COMMD10: variants seen among roughly 807,000 people sequenced by gnomAD.
COMMD10 encodes COMM domain containing 10.
Under a neutral mutation model 28.9 loss-of-function variants are expected in COMMD10, and 33 were observed. The ratio of observed to expected loss-of-function variants is 1.14; its 90% CI spans 0.87 to 1.53. The LOEUF (loss-of-function observed/expected upper bound fraction) is 1.53, where lower values mean the gene tolerates loss of function less well. Ranked by LOEUF, COMMD10 falls within the 40% of genes most tolerant of loss-of-function variation. The probability of loss-of-function intolerance (pLI) is 0.00; values close to 1 mark genes in which losing one functional copy is unlikely to be tolerated. For missense variants in COMMD10, 310 were observed against 233.4 expected (o/e 1.33, Z -2.14); for synonymous variants, 110 against 81.7 (o/e 1.35, Z -1.87).
chr5:116,118,596 A>C (rs1024192287), intron 4 of COMMD10, among the ~76,000 whole-genome samples: 1 of 152,114 alleles, frequency 6.6e-6, no homozygotes, highest in Admixed American at 6.6e-5. Context: ...TTGTGTTTTC[A>C]TTTTTGGTTG....
chr5:116,183,476 G>A (rs939418555), intron 5 of COMMD10, among the ~76,000 whole-genome samples: 8 of 151,886 alleles, frequency 5.3e-5, no homozygotes, highest in Admixed American at 3.3e-4. Context: ...GGTATCCAAG[G>A]GACTGTTAGG....
At chr5:116,199,716 C>T (rs1748613973) in intron 5 of COMMD10, among the ~76,000 whole-genome samples, 1 of 152,082 alleles carries the variant, frequency 6.6e-6, no homozygotes, top group Non-Finnish European at 1.5e-5. Context: ...GTCCACTAGC[C>T]TAAAATTTTC....
At chr5:116,213,196 CCTT>C (rs539662402) in intron 5 of COMMD10, among the ~76,000 whole-genome samples, 259 of 152,026 alleles carry the variant, frequency 1.7e-3, no homozygotes, top group African/African-American at 5.9e-3. Context: ...AGTTCAGAGA[CCTT>C]CTGAATATAT....
At chr5:116,091,719 C>T (rs1396497) in intron 3 of COMMD10, among the ~76,000 whole-genome samples, 111,917 of 152,082 alleles carry the variant, frequency 0.74, 41,630 homozygotes, top group Non-Finnish European at 0.8. Flanking sequence ...AGTTCATATG[C>T]GTTAGTTATA....
In COMMD10 at chr5:116,091,926, C is replaced by G. The variant is rs566107810; in HGVS notation, c.244-619C>G. On this transcript the variant is annotated intron_variant, in intron 3 of 6. Transcript: ENST00000274458. ...ATGAACATATTAGGAGGACAAGCTA[C>G]CAGTTATCTACTACAGCCTTACATA... Among the ~76,000 whole-genome samples the G allele has an allele frequency of 1.2e-3, 186 of 152,258 alleles. 1 individual carries two copies. Among genetic ancestry groups the G allele is most frequent in the Non-Finnish European group, 2.2e-3 (148 of 68,018 alleles).
intron 5 of COMMD10, among the ~76,000 whole-genome samples, chr5:116,135,532 C>T (rs1277356325): frequency 6.6e-6 from 1 of 152,054 alleles, no homozygotes; most frequent in Non-Finnish European, 1.5e-5. Context: ...GGTGGTTTCC[C>T]TTTATGTGCA....
At chr5:116,151,248 G>C (rs948953618) in intron 5 of COMMD10, among the ~76,000 whole-genome samples, 1 of 151,776 alleles carries the variant, frequency 6.6e-6, no homozygotes, top group African/African-American at 2.4e-5. Context: ...ATGTGCTGCT[G>C]GATTTGGTTT....
chr5:116,246,265 T>G (rs1273968981), intron 5 of COMMD10, among the ~76,000 whole-genome samples: 1 of 151,936 alleles, frequency 6.6e-6, no homozygotes. Flanking sequence ...TACCTAAGAA[T>G]ACAGCTAACT....
At chr5:116,106,460 G>A (rs899535507) in intron 4 of COMMD10, among the ~76,000 whole-genome samples, 1 of 152,196 alleles carries the variant, frequency 6.6e-6, no homozygotes, top group Non-Finnish European at 1.5e-5. Flanking sequence ...TGTATATTCT[G>A]TTGATTTGGT....
chr5:116,131,069 A>G (rs1320367353), intron 4 of COMMD10, among the ~76,000 whole-genome samples: 2 of 152,000 alleles, frequency 1.3e-5, no homozygotes. Context: ...CTGATTGGAC[A>G]GAACACTTAA....
At chr5:116,245,581 A>G (rs1749928012) in intron 5 of COMMD10, among the ~76,000 whole-genome samples, 3 of 152,168 alleles carry the variant, frequency 2.0e-5, no homozygotes, top group South Asian at 2.1e-4. Context: ...CATTGATACA[A>G]AAGTCCTCAA....
At position 116,292,857 on chromosome 5, in the gene COMMD10, A is replaced by G. The variant is rs1751407522; in HGVS notation, c.*368A>G. 1 of 394,836 alleles carries G rather than the reference A, an allele frequency of 2.5e-6. No individual in the cohort carries two copies. The highest frequency in any genetic ancestry group is 4.4e-5 in the Admixed American group (1 of 22,638). The allele number at this position is 394,836 out of a possible 1,614,324, so 24.5% of individuals were successfully genotyped here. A position where few individuals can be genotyped will look rare whatever the true frequency, so the allele number is the denominator to read the frequency against. On this transcript the variant is annotated 3_prime_UTR_variant, in exon 7 of 7. Transcript: ENST00000274458. The stretch of plus-strand genomic sequence containing the variant: ...GGAGCGTCCATGGATACAAGATAAG[A>G]TGTGTACCTTAGTAGAATACAGAGC...
Position 116,248,839 on chromosome 5 carries a change from A to G in COMMD10, c.511-42678A>G, listed in dbSNP as rs146956227. Among the ~76,000 whole-genome samples, 15 of 152,104 alleles carry G rather than the reference A, an allele frequency of 9.9e-5. No individual in the cohort carries two copies. In the South Asian group the frequency reaches 2.5e-3, roughly 25 times the overall value. ...TATACTGACAAAATTGAAATGGAAG[A>G]CCAGAGACAGAAAAAAACAAAAAAG... On this transcript the variant is annotated intron_variant, in intron 5 of 6. Coordinates refer to ENST00000274458, the MANE Select transcript of COMMD10 (RefSeq NM_016144.4).
intron 5 of COMMD10, among the ~76,000 whole-genome samples, chr5:116,274,161 G>C (rs1750841071): frequency 6.6e-6 from 1 of 151,742 alleles, no homozygotes; most frequent in African/African-American, 2.4e-5. Flanking sequence ...CAGTACAGCA[G>C]ATTTATACTT....
chr5:116,232,975 C>A (rs750034490), intron 5 of COMMD10, among the ~76,000 whole-genome samples: 3 of 152,122 alleles, frequency 2.0e-5, no homozygotes, highest in Non-Finnish European at 2.9e-5. Context: ...TAAAAGGATT[C>A]GTCAATTCCG....
At chr5:116,240,760 A>G (rs961325353) in intron 5 of COMMD10, among the ~76,000 whole-genome samples, 6 of 152,348 alleles carry the variant, frequency 3.9e-5, no homozygotes, top group Middle Eastern at 3.4e-3. Flanking sequence ...GAGTAATTCA[A>G]CATAAAGGTA....
At chr5:116,121,635 C>T (rs1377701283) in intron 4 of COMMD10, among the ~76,000 whole-genome samples, 2 of 152,180 alleles carry the variant, frequency 1.3e-5, no homozygotes, top group Non-Finnish European at 2.9e-5. Context: ...ACATCCTCTT[C>T]AGCATCTGTT....
intron 5 of COMMD10, among the ~76,000 whole-genome samples, chr5:116,233,120 C>G (rs1156796122): frequency 6.6e-6 from 1 of 152,114 alleles, no homozygotes; most frequent in East Asian, 1.9e-4. Flanking sequence ...TATTCCCCCA[C>G]TTATTTTTGG....
At chr5:116,283,600 G>A (rs776212185) in intron 5 of COMMD10, among the ~76,000 whole-genome samples, 1 of 151,528 alleles carries the variant, frequency 6.6e-6, no homozygotes, top group Non-Finnish European at 1.5e-5. Context: ...GCCTGCCTTG[G>A]CTTCCCAAAG....
Sources: allele counts gnomAD v4.1 joint callset (sites outside exome capture counted in the v4.1 genomes callset), GRCh38; gene constraint gnomAD v4.1.1; transcripts MANE v1.5; gene names NCBI Gene and HGNC (gene_info 2026-07-23, HGNC 2026-07-21).